PAGE2B: variants seen among roughly 807,000 people sequenced by gnomAD.
The protein encoded by PAGE2B is putative G antigen family E member 3.
A neutral mutation model predicts 7.6 loss-of-function variants in PAGE2B; 5 were observed. The ratio of observed to expected loss-of-function variants is 0.66; its 90% CI spans 0.34 to 1.38. The LOEUF is 1.38. Ranked by LOEUF, PAGE2B falls within the 40% of genes most tolerant of loss-of-function variation. PAGE2B has a pLI of 0.04. For missense variants in PAGE2B, 70 were observed against 78.4 expected (o/e 0.89, Z 0.41); for synonymous variants, 29 against 26.7 (o/e 1.09, Z -0.27).
At chrX:55,046,132 TAGAC>T in the PAGE2B span, among the ~76,000 whole-genome samples, 31 of 111,363 alleles carry the variant, frequency 2.8e-4, 1 homozygote, top group Non-Finnish European at 3.6e-4. Flanking sequence ...TATTATTTTT[TAGAC>T]AGAGTCTCAT....
chrX:55,045,021 G>A, the PAGE2B span: 1 of 112,062 alleles, frequency 8.9e-6, no homozygotes. Flanking sequence ...AGCTCCTGAT[G>A]ATTATCCTTG....
At chrX:55,075,259 CG>C in intron 1 of PAGE2B, 145 bp downstream of exon 1, 1 of 137,667 alleles carries the variant, frequency 7.3e-6, no homozygotes. Context: ...CCTCCCAGGT[CG>C]GGATGCCACC....
chrX:55,056,984 G>A, the PAGE2B span, among the ~76,000 whole-genome samples: 41,391 of 110,489 alleles, frequency 0.37, 6,996 homozygotes, highest in Non-Finnish European at 0.51. Context: ...ATATTTACTC[G>A]CATATGGCTG....
the PAGE2B span, among the ~76,000 whole-genome samples, chrX:55,049,290 G>A: frequency 1.8e-5 from 2 of 111,626 alleles, no homozygotes; most frequent in South Asian, 3.8e-4. Context: ...GTCTCTGCCA[G>A]GCTTTGGTAT....
chrX:55,050,441 C>CT, the PAGE2B span, among the ~76,000 whole-genome samples: 2 of 108,481 alleles, frequency 1.8e-5, no homozygotes, highest in Non-Finnish European at 1.9e-5. Flanking sequence ...GTGTGGGAGT[C>CT]TAAGTCTCTT....
chrX:55,052,871 C>T, the PAGE2B span, among the ~76,000 whole-genome samples: 1 of 112,750 alleles, frequency 8.9e-6, no homozygotes, highest in African/African-American at 3.2e-5. Context: ...AGAAATCACC[C>T]GTCTTCTGCG....
the PAGE2B span, among the ~76,000 whole-genome samples, chrX:55,060,330 T>C: frequency 9.0e-6 from 1 of 111,293 alleles, no homozygotes; most frequent in Non-Finnish European, 1.9e-5. Flanking sequence ...GGGTGTGAGG[T>C]GATATATCAT....
intron 1 of PAGE2B, among the ~76,000 whole-genome samples, chrX:55,075,663 A>ACCG (rs112620084): frequency 5.4e-5 from 6 of 111,466 alleles, no homozygotes; most frequent in African/African-American, 1.6e-4. Flanking sequence ...ATTTTGAGAG[A>ACCG]GGTGTGGGGG....
intron 2 of PAGE2B, among the ~76,000 whole-genome samples, chrX:55,076,338 A>ATATG (rs1461451277): frequency 2.9e-5 from 3 of 104,778 alleles, no homozygotes; most frequent in African/African-American, 1.1e-4. Context: ...ATATATATAT[A>ATATG]TGTGTGTGTG....
the PAGE2B span, among the ~76,000 whole-genome samples, chrX:55,028,550 C>A: frequency 2.7e-5 from 3 of 111,691 alleles, no homozygotes; most frequent in African/African-American, 9.8e-5. Context: ...GAGAAATTAA[C>A]ACACATCATT....
At chrX:55,037,392 T>A in the PAGE2B span, among the ~76,000 whole-genome samples, 3,783 of 110,849 alleles carry the variant, frequency 0.034, 176 homozygotes, top group African/African-American at 0.12. Flanking sequence ...CATTAAAAAG[T>A]CAGGAAACAA....
the PAGE2B span, among the ~76,000 whole-genome samples, chrX:55,042,684 AAAAG>A: frequency 3.3e-4 from 34 of 103,011 alleles, no homozygotes; most frequent in African/African-American, 1.2e-3. Context: ...AAAAAAAAAA[AAAAG>A]AAATCATAGA....
At chrX:55,030,913 T>A in the PAGE2B span, 3 of 341,140 alleles carry the variant, frequency 8.8e-6, no homozygotes, top group East Asian at 1.9e-4. Context: ...AGACCAGAGA[T>A]AGGGTGCCAG....
the PAGE2B span, among the ~76,000 whole-genome samples, chrX:55,035,198 T>C: frequency 2.7e-5 from 3 of 111,748 alleles, no homozygotes; most frequent in East Asian, 8.4e-4. Context: ...CACTCGATAT[T>C]AACCATCACA....
the PAGE2B span, chrX:55,031,057 C>T: frequency 3.1e-6 from 1 of 318,468 alleles, no homozygotes; most frequent in South Asian, 3.0e-5. Context: ...CCGGCCTGGC[C>T]CTGCATTGGC....
At chrX:55,061,457 A>T in the PAGE2B span, among the ~76,000 whole-genome samples, 1 of 110,476 alleles carries the variant, frequency 9.1e-6, no homozygotes, top group African/African-American at 3.3e-5. Flanking sequence ...TTTATTTTTA[A>T]TTTTGTGAGT....
chrX:55,048,331 A>G, the PAGE2B span, among the ~76,000 whole-genome samples: 1 of 111,822 alleles, frequency 8.9e-6, no homozygotes. Flanking sequence ...GTTTTTTCCA[A>G]TTCTGTGAAG....
the PAGE2B span, among the ~76,000 whole-genome samples, chrX:55,046,270 C>T: frequency 3.6e-5 from 4 of 110,956 alleles, no homozygotes; most frequent in Non-Finnish European, 7.6e-5. Context: ...CCTGTCACCA[C>T]GCCCAGCTAA....
the PAGE2B span, among the ~76,000 whole-genome samples, chrX:55,051,889 T>A: frequency 8.9e-6 from 1 of 111,983 alleles, no homozygotes; most frequent in Non-Finnish European, 1.9e-5. Flanking sequence ...GGTGCTCTGA[T>A]TTTTAGAGTT....
Sources: allele counts gnomAD v4.1 joint callset (sites outside exome capture counted in the v4.1 genomes callset), GRCh38; gene constraint gnomAD v4.1.1; transcripts MANE v1.5; gene names NCBI Gene and HGNC (gene_info 2026-07-23, HGNC 2026-07-21).